Variants in RTL4 observed in about 807,000 individuals in gnomAD.
RTL4 encodes retrotransposon Gag like 4.
RTL4 carries 4 observed loss-of-function variants against 5.3 expected under a neutral mutation model. The ratio of observed to expected loss-of-function variants is 0.75; its 90% CI spans 0.37 to 1.72. RTL4 has a LOEUF of 1.72. Ranked by LOEUF, RTL4 falls within the 40% of genes most tolerant of loss-of-function variation. The pLI is 0.04. For synonymous variants in RTL4, 98 were observed against 87.3 expected, an observed-to-expected ratio of 1.12 and a Z score of -0.68; for missense variants, 260 against 227.1, an observed-to-expected ratio of 1.14 and a Z score of -0.93.
At chrX:112,424,356 T>C in the RTL4 span, among the ~76,000 whole-genome samples, 3 of 111,834 alleles carry the variant, frequency 2.7e-5, no homozygotes, top group South Asian at 1.1e-3. Context: ...ACAATCTGAT[T>C]AACCTTCTGG....
At chrX:112,359,116 G>A in the RTL4 span, among the ~76,000 whole-genome samples, 1 of 111,295 alleles carries the variant, frequency 9.0e-6, no homozygotes, top group East Asian at 2.8e-4. Flanking sequence ...AATTAAATAT[G>A]TTTTTTAAAA....
chrX:112,091,406 A>C, the RTL4 span, among the ~76,000 whole-genome samples: 4 of 111,660 alleles, frequency 3.6e-5, no homozygotes, highest in African/African-American at 1.3e-4. Context: ...TATTGCTTTC[A>C]CTGTATCACA....
chrX:112,432,037 A>G, the RTL4 span, among the ~76,000 whole-genome samples: 78 of 105,641 alleles, frequency 7.4e-4, no homozygotes, highest in Non-Finnish European at 8.8e-4. Context: ...AATTTCATCC[A>G]TGTCCCTACA....
upstream of RTL4, among the ~76,000 whole-genome samples, chrX:112,449,909 G>A (rs751798515): frequency 2.7e-5 from 3 of 112,128 alleles, no homozygotes; most frequent in Non-Finnish European, 5.6e-5. Context: ...TCTGAATGGT[G>A]GCAGAGCTAG....
At chrX:112,271,202 A>T in the RTL4 span, among the ~76,000 whole-genome samples, 1 of 112,928 alleles carries the variant, frequency 8.9e-6, no homozygotes, top group Non-Finnish European at 1.9e-5. Context: ...AGACAAATGG[A>T]TAGAGTGGGA....
the RTL4 span, among the ~76,000 whole-genome samples, chrX:112,259,258 T>C: frequency 8.9e-6 from 1 of 111,798 alleles, no homozygotes; most frequent in Admixed American, 9.5e-5. Flanking sequence ...AGTGTATCTT[T>C]CTATTTGTGC....
the RTL4 span, among the ~76,000 whole-genome samples, chrX:112,311,100 C>T: frequency 3.7e-5 from 4 of 108,004 alleles, no homozygotes; most frequent in Admixed American, 1.1e-4. Flanking sequence ...GGAGTTGTGT[C>T]TTCCAGAAGC....
At chrX:112,146,364 C>G in the RTL4 span, among the ~76,000 whole-genome samples, 1 of 110,963 alleles carries the variant, frequency 9.0e-6, no homozygotes, top group Non-Finnish European at 1.9e-5. Context: ...ATCAGAAATT[C>G]TATTATGATC....
chrX:112,302,024 G>T, the RTL4 span, among the ~76,000 whole-genome samples: 1 of 109,617 alleles, frequency 9.1e-6, no homozygotes, highest in African/African-American at 3.3e-5. Flanking sequence ...AGTTTGGGAG[G>T]CCAAGGTGGG....
the RTL4 span, among the ~76,000 whole-genome samples, chrX:112,294,665 T>C: frequency 1.8e-5 from 2 of 111,959 alleles, no homozygotes; most frequent in African/African-American, 6.5e-5. Flanking sequence ...CAAAACTACT[T>C]TTCATATCTG....
the RTL4 span, among the ~76,000 whole-genome samples, chrX:112,418,199 C>A: frequency 9.0e-6 from 1 of 111,628 alleles, no homozygotes; most frequent in Non-Finnish European, 1.9e-5. Flanking sequence ...GATTGTTACA[C>A]AAGTATGTGA....
the RTL4 span, among the ~76,000 whole-genome samples, chrX:112,194,997 A>G: frequency 8.9e-6 from 1 of 112,319 alleles, no homozygotes; most frequent in African/African-American, 3.2e-5. Flanking sequence ...GAGCAAAAGC[A>G]TGGAAGTAGG....
At chrX:112,276,897 G>C in the RTL4 span, among the ~76,000 whole-genome samples, 1 of 111,553 alleles carries the variant, frequency 9.0e-6, no homozygotes, top group Non-Finnish European at 1.9e-5. Flanking sequence ...ACTTAACAGA[G>C]CCCTAGTTGT....
At chrX:112,160,965 A>T in the RTL4 span, among the ~76,000 whole-genome samples, 1 of 110,992 alleles carries the variant, frequency 9.0e-6, no homozygotes, top group African/African-American at 3.3e-5. Flanking sequence ...GAGTGAATAA[A>T]AAAGCATGCC....
chrX:112,138,994 T>C, the RTL4 span, among the ~76,000 whole-genome samples: 162 of 111,760 alleles, frequency 1.4e-3, no homozygotes, highest in African/African-American at 5.0e-3. Context: ...TTGTATTTAG[T>C]TGTCCTTCCA....
the RTL4 span, among the ~76,000 whole-genome samples, chrX:112,401,676 T>G: frequency 8.9e-6 from 1 of 111,743 alleles, no homozygotes; most frequent in African/African-American, 3.3e-5. Flanking sequence ...ACTGTTAAAT[T>G]TTCATTACCT....
At chrX:112,332,623 T>G in the RTL4 span, among the ~76,000 whole-genome samples, 1 of 95,537 alleles carries the variant, frequency 1.0e-5, no homozygotes, top group Non-Finnish European at 2.0e-5. Context: ...TAGGTGGGAA[T>G]TGAACAATGA....
At chrX:112,352,517 A>G in the RTL4 span, among the ~76,000 whole-genome samples, 187 of 111,110 alleles carry the variant, frequency 1.7e-3, no homozygotes, top group African/African-American at 5.9e-3. Flanking sequence ...AGCCCTCAGA[A>G]ATAATGCTGC....
chrX:112,083,078 C>T, the RTL4 span, among the ~76,000 whole-genome samples: 121 of 110,442 alleles, frequency 1.1e-3, no homozygotes, highest in Middle Eastern at 4.8e-3. Flanking sequence ...CCAAGTCAAC[C>T]CCCGCTGCCC....
Sources: gnomAD v4.1 joint callset for allele counts (sites outside exome capture counted in the v4.1 genomes callset) on GRCh38, gnomAD v4.1.1 for gene constraint, MANE v1.5 for transcripts, NCBI Gene and HGNC (gene_info 2026-07-23, HGNC 2026-07-21) for gene names.